Variants in ASIC2 observed in about 807,000 individuals in gnomAD.
The protein encoded by ASIC2 is acid-sensing ion channel 2.
Under a neutral mutation model 57.3 loss-of-function variants are expected in ASIC2, and 25 were observed. That is an observed-to-expected ratio of 0.44 (90% CI 0.32 to 0.61). The LOEUF is 0.61. ASIC2 is among the 20% of genes least tolerant of loss of function. The probability of loss-of-function intolerance (pLI) is 0.06; values close to 1 mark genes in which losing one functional copy is unlikely to be tolerated. For synonymous variants in ASIC2, 319 were observed against 307.5 expected (o/e 1.04, Z -0.39); for missense variants, 641 against 738.1 (o/e 0.87, Z 1.52).
chr17:33,803,163 AT>A (rs1912177229), intron 1 of ASIC2, among the ~76,000 whole-genome samples: 1 of 152,192 alleles, frequency 6.6e-6, no homozygotes, highest in African/African-American at 2.4e-5. Context: ...TGGTAATTGC[AT>A]GAGGGAATTT....
At chr17:33,943,138 G>C (rs1406743181) in intron 1 of ASIC2, among the ~76,000 whole-genome samples, 1 of 152,196 alleles carries the variant, frequency 6.6e-6, no homozygotes, top group Non-Finnish European at 1.5e-5. Context: ...ATGATAGAAT[G>C]GAACTTCTGA....
chr17:33,491,683 A>G (rs1291739992), intron 1 of ASIC2, among the ~76,000 whole-genome samples: 1 of 152,172 alleles, frequency 6.6e-6, no homozygotes, highest in Non-Finnish European at 1.5e-5. Context: ...CTGTTGGCTG[A>G]ACGATCTCAT....
At chr17:33,903,367 A>C (rs1374099359) in intron 1 of ASIC2, among the ~76,000 whole-genome samples, 2 of 152,182 alleles carry the variant, frequency 1.3e-5, no homozygotes, top group Admixed American at 6.5e-5. Context: ...AATAAATCCA[A>C]AGTAACATTT....
intron 1 of ASIC2, among the ~76,000 whole-genome samples, chr17:34,131,223 G>A (rs1019372094): frequency 8.5e-5 from 13 of 152,308 alleles, no homozygotes; most frequent in Non-Finnish European, 1.3e-4. Context: ...GAGAGCCATT[G>A]ATGGACTGGG....
intron 1 of ASIC2, among the ~76,000 whole-genome samples, chr17:33,969,515 G>A (rs1227198402): frequency 6.6e-6 from 1 of 152,206 alleles, no homozygotes; most frequent in Non-Finnish European, 1.5e-5. Flanking sequence ...CATCAGCAGA[G>A]GATCTGGGGA....
intron 1 of ASIC2, among the ~76,000 whole-genome samples, chr17:33,720,715 G>A (rs1264571872): frequency 6.6e-6 from 1 of 152,222 alleles, no homozygotes; most frequent in African/African-American, 2.4e-5. Context: ...AGGTGTTACT[G>A]CGGTTCAATA....
At chr17:33,784,582 T>C (rs1911550023) in intron 1 of ASIC2, among the ~76,000 whole-genome samples, 1 of 152,252 alleles carries the variant, frequency 6.6e-6, no homozygotes, top group Non-Finnish European at 1.5e-5. Flanking sequence ...GTAATATATT[T>C]AATTTAATGC....
chr17:33,505,665 A>G (rs1202703208), intron 1 of ASIC2, among the ~76,000 whole-genome samples: 1 of 152,134 alleles, frequency 6.6e-6, no homozygotes, highest in Non-Finnish European at 1.5e-5. Context: ...CTTAAGCTTA[A>G]TCTATTCCAA....
At chr17:33,504,252 T>C (rs1307768363) in intron 1 of ASIC2, among the ~76,000 whole-genome samples, 1 of 152,242 alleles carries the variant, frequency 6.6e-6, no homozygotes, top group Non-Finnish European at 1.5e-5. Context: ...ACTATTTCAG[T>C]TGGAGTCTAA....
intron 1 of ASIC2, among the ~76,000 whole-genome samples, chr17:34,141,394 T>A (rs1049995223): frequency 2.6e-5 from 4 of 152,174 alleles, no homozygotes; most frequent in Non-Finnish European, 5.9e-5. Context: ...AATTCTTTTT[T>A]AAAAAAAGAA....
intron 1 of ASIC2, among the ~76,000 whole-genome samples, chr17:33,402,135 C>T (rs1187508093): frequency 6.6e-6 from 1 of 152,128 alleles, no homozygotes; most frequent in Non-Finnish European, 1.5e-5. Flanking sequence ...GGGAAAGCTG[C>T]TGGTAGGCTG....
chr17:34,057,417 G>A (rs1216690395), intron 1 of ASIC2, among the ~76,000 whole-genome samples: 1 of 152,230 alleles, frequency 6.6e-6, no homozygotes, highest in Non-Finnish European at 1.5e-5. Context: ...AGCCCAAGGA[G>A]GGTGTGATTG....
intron 1 of ASIC2, among the ~76,000 whole-genome samples, chr17:33,959,322 A>AC (rs1383541204): frequency 2.0e-5 from 3 of 152,164 alleles, no homozygotes; most frequent in African/African-American, 7.2e-5. Flanking sequence ...TACTCCTGGT[A>AC]CCAATTTACA....
intron 1 of ASIC2, among the ~76,000 whole-genome samples, chr17:33,786,248 C>A (rs1056477161): frequency 2.0e-5 from 3 of 152,174 alleles, no homozygotes; most frequent in East Asian, 3.9e-4. Context: ...GTTACCCTTT[C>A]TGGTAATGGA....
intron 1 of ASIC2, among the ~76,000 whole-genome samples, chr17:33,749,473 T>C (rs1462048798): frequency 2.0e-5 from 3 of 152,032 alleles, no homozygotes; most frequent in African/African-American, 7.2e-5. Flanking sequence ...TCTACTCCTG[T>C]GGGCCTGGGG....
At chr17:33,439,686 C>T (rs1281071018) in intron 1 of ASIC2, among the ~76,000 whole-genome samples, 2 of 152,118 alleles carry the variant, frequency 1.3e-5, no homozygotes, top group Non-Finnish European at 2.9e-5. Context: ...AGAAGAAAAA[C>T]CAGAAGCCCA....
At chr17:34,089,378 C>G (rs1181005241) in intron 1 of ASIC2, among the ~76,000 whole-genome samples, 1 of 152,038 alleles carries the variant, frequency 6.6e-6, no homozygotes, top group Non-Finnish European at 1.5e-5. Flanking sequence ...TGCTCTATTC[C>G]AAGGGCTTTT....
At chr17:34,077,596 G>A (rs146585322) in intron 1 of ASIC2, among the ~76,000 whole-genome samples, 213 of 152,308 alleles carry the variant, frequency 1.4e-3, no homozygotes, top group African/African-American at 5.0e-3. Context: ...AAGTCAGAAA[G>A]CTATTAGGGG....
chr17:33,426,831 G>A (rs1193637861), intron 1 of ASIC2, among the ~76,000 whole-genome samples: 2 of 152,146 alleles, frequency 1.3e-5, no homozygotes, highest in Non-Finnish European at 2.9e-5. Context: ...ACACATTATT[G>A]CAGTTTGCAA....
Sources: gnomAD v4.1 joint callset for allele counts (sites outside exome capture counted in the v4.1 genomes callset) on GRCh38, gnomAD v4.1.1 for gene constraint, MANE v1.5 for transcripts, NCBI Gene and HGNC (gene_info 2026-07-23, HGNC 2026-07-21) for gene names.